The following RPS6KA6 variants were observed in gnomAD, a reference collection of about 807,000 sequenced individuals.
The protein encoded by RPS6KA6 is ribosomal protein S6 kinase A6.
In RPS6KA6, 27 loss-of-function variants were observed where a neutral mutation model predicts 65.4. That is an observed-to-expected ratio of 0.41 (90% CI 0.30 to 0.57). The LOEUF is 0.57. RPS6KA6 is among the 20% of genes least tolerant of loss of function. The pLI is 0.24. For missense variants in RPS6KA6, 486 were observed against 555.6 expected (o/e 0.87, Z 1.26); for synonymous variants, 190 against 184.2 (o/e 1.03, Z -0.26).
intron 4 of RPS6KA6, 106 bp downstream of exon 4, chrX:84,147,936 A>G (rs1320355003): frequency 7.1e-6 from 3 of 420,107 alleles, no homozygotes; most frequent in East Asian, 8.3e-5. Context: ...ACAAATACCA[A>G]TGTTAAAAAT....
chrX:84,067,187 C>T (rs1228174659), intron 20 of RPS6KA6, among the ~76,000 whole-genome samples: 3 of 112,030 alleles, frequency 2.7e-5, no homozygotes, highest in African/African-American at 9.7e-5. Context: ...CACAAAAACG[C>T]TGAAAATTCC....
chrX:84,155,324 T>C (rs2035397292), intron 3 of RPS6KA6, among the ~76,000 whole-genome samples: 1 of 111,850 alleles, frequency 8.9e-6, no homozygotes, highest in African/African-American at 3.2e-5. Flanking sequence ...AAATTAGTAG[T>C]TTCTCTTTAT....
intron 20 of RPS6KA6, among the ~76,000 whole-genome samples, chrX:84,085,136 A>C (rs772006154): frequency 9.0e-6 from 1 of 111,592 alleles, no homozygotes; most frequent in East Asian, 2.8e-4. Context: ...TATAAGATCA[A>C]GTCATCTGCA....
At chrX:84,133,810 T>C (rs1411063816) in intron 8 of RPS6KA6, among the ~76,000 whole-genome samples, 1 of 111,837 alleles carries the variant, frequency 8.9e-6, no homozygotes, top group Non-Finnish European at 1.9e-5. Context: ...TTTAAATATC[T>C]TCGAACCCAC....
intron 6 of RPS6KA6, among the ~76,000 whole-genome samples, chrX:84,137,589 G>A (rs757087418): frequency 9.0e-5 from 10 of 111,583 alleles, no homozygotes; most frequent in East Asian, 2.8e-4. Flanking sequence ...AGCAGTTTAC[G>A]AAAGCATCTG....
At chrX:84,164,801 C>T (rs1258958657) in intron 1 of RPS6KA6, among the ~76,000 whole-genome samples, 3 of 111,431 alleles carry the variant, frequency 2.7e-5, no homozygotes, top group Non-Finnish European at 5.7e-5. Context: ...GTTGTGAATT[C>T]CTCTTTCATT....
rs1396268686 is a variant in RPS6KA6, at chrX:84,061,053, T to C, written c.*3224A>G. 8.9e-6 allele frequency: 1 copy of C among 112,041 alleles called. No individual in the cohort carries two copies. The highest frequency in any genetic ancestry group is 3.2e-5 in the African/African-American group (1 of 30,851). 9.2% of individuals were successfully genotyped at this position (112,041 alleles called of 1,213,427 possible). A position where few individuals can be genotyped will look rare whatever the true frequency, so the allele number is the denominator to read the frequency against. On this transcript the variant is annotated 3_prime_UTR_variant, in exon 22 of 22. Transcript: ENST00000262752. ...CTGGGGATAGGGTAAATTTCGTTGA[T>C]GGAGTATTGCTGTGAGGTGCTCAAA...
At chrX:84,135,327 A>T (rs1038524371) in intron 6 of RPS6KA6, 117 bp from the exon 7 acceptor site, 4 of 459,409 alleles carry the variant, frequency 8.7e-6, no homozygotes, top group Non-Finnish European at 1.5e-5. Context: ...GATAATAAGC[A>T]CAGTCAATTC....
chrX:84,185,954 T>C (rs1468265818), intron 1 of RPS6KA6: 2 of 472,226 alleles, frequency 4.2e-6, no homozygotes, highest in African/African-American at 4.8e-5. Context: ...ATGTAGCATT[T>C]AGTTTTCACC....
chrX:84,157,287 C>G (rs2035432923), intron 2 of RPS6KA6, among the ~76,000 whole-genome samples: 1 of 111,326 alleles, frequency 9.0e-6, no homozygotes, highest in Non-Finnish European at 1.9e-5. Flanking sequence ...AGCAAATCAA[C>G]AAGAAATGAA....
intron 20 of RPS6KA6, among the ~76,000 whole-genome samples, chrX:84,083,456 C>T (rs1003217941): frequency 8.9e-6 from 1 of 112,122 alleles, no homozygotes; most frequent in Non-Finnish European, 1.9e-5. Context: ...TTGTTCAGCT[C>T]CCTTATACGT....
chrX:84,099,569 G>A (rs12863801), intron 18 of RPS6KA6, among the ~76,000 whole-genome samples: 1 of 110,938 alleles, frequency 9.0e-6, no homozygotes, highest in Non-Finnish European at 1.9e-5. Context: ...CAGAGAAAGA[G>A]CAAAGGAGAG....
chrX:84,116,469 A>G (rs2034566970), intron 11 of RPS6KA6, among the ~76,000 whole-genome samples, 182 bp from the exon 12 acceptor site: 1 of 111,652 alleles, frequency 9.0e-6, no homozygotes, highest in Non-Finnish European at 1.9e-5. Flanking sequence ...GATAAAAAAT[A>G]ACTAACATTC....
intron 20 of RPS6KA6, among the ~76,000 whole-genome samples, chrX:84,070,686 G>GAATTAC (rs1408275559): frequency 1.8e-5 from 2 of 111,399 alleles, no homozygotes; most frequent in East Asian, 5.6e-4. Context: ...TAACGTAATT[G>GAATTAC]GTTGAAACCA....
chrX:84,134,595 T>C (rs1458897198), intron 8 of RPS6KA6, among the ~76,000 whole-genome samples, 187 bp downstream of exon 8: 1 of 111,485 alleles, frequency 9.0e-6, no homozygotes. Flanking sequence ...ATGTACAATT[T>C]TTTAATATTA....
intron 12 of RPS6KA6, among the ~76,000 whole-genome samples, chrX:84,112,847 C>CA (rs1369248672): frequency 1.8e-5 from 2 of 110,346 alleles, no homozygotes; most frequent in South Asian, 3.8e-4. Flanking sequence ...AGATTGCGAC[C>CA]AAAAAAAGGA....
chrX:84,182,718 T>C (rs902134454), intron 1 of RPS6KA6, among the ~76,000 whole-genome samples: 8 of 111,968 alleles, frequency 7.1e-5, no homozygotes, highest in Admixed American at 1.9e-4. Context: ...AAAGATTGAC[T>C]TGGAGGAACT....
rs761274559 is a variant in RPS6KA6, at chrX:84,105,816, G to C, written c.1426C>G (p.Gln476Glu). The C allele has an allele frequency of 8.6e-7, 1 of 1,168,494 alleles. No individual in the cohort carries two copies. The highest frequency in any genetic ancestry group is 2.2e-5 in the Admixed American group (1 of 44,768). ...TTCAAAGTAATAATGTTGGGATGTT[G>C]TCCATAGCGCATCAATATTTCAATC... Reference protein sequence around the residue: ...EEIEILMRYGQHPNIITLKDV... With the variant: ...EEIEILMRYGEHPNIITLKDV... The change falls in exon 16 of 22, where the codon CAA becomes GAA. Residue 476 changes from glutamine (Q) to glutamate (E), a missense_variant. Transcript: ENST00000262752.
In RPS6KA6 at chrX:84,104,591, G is replaced by A. The variant is rs2034320563; in HGVS notation, c.1522C>T (p.Arg508Cys). Residue 508 changes from arginine to cysteine, a missense_variant, in exon 17 of 22, where the codon CGT becomes TGT. Physicochemically the swap from Arg to Cys is radical, Grantham distance 180. Transcript: ENST00000262752. The part of the protein sequence containing the change: ...DLMKGGELLD[R>C]ILKQKCFSER... The stretch of plus-strand genomic sequence containing the variant: ...GAGAAACATTTTTGTTTGAGAATAC[G>A]GTCAAGTAACTCTCCTCCTTTCATT... The A allele has an allele frequency of 1.7e-6, 2 of 1,179,828 alleles. No homozygotes were observed. Among genetic ancestry groups the A allele is most frequent in the East Asian group, 3.0e-5 (1 of 32,894 alleles).
Sources: allele counts gnomAD v4.1 joint callset (sites outside exome capture counted in the v4.1 genomes callset), GRCh38; gene constraint gnomAD v4.1.1; transcripts MANE v1.5; gene names NCBI Gene and HGNC (gene_info 2026-07-23, HGNC 2026-07-21).